NOS1AP: variants seen among roughly 807,000 people sequenced by gnomAD.
The protein encoded by NOS1AP is carboxyl-terminal PDZ ligand of neuronal nitric oxide synthase protein.
NOS1AP carries 21 observed loss-of-function variants against 56.2 expected under a neutral mutation model. The ratio of observed to expected loss-of-function variants is 0.37; its 90% CI spans 0.26 to 0.54. The LOEUF is 0.54. Among genes scored for constraint, NOS1AP ranks in the 20% least tolerant of loss-of-function variants. The pLI is 0.84. For synonymous variants in NOS1AP, 270 were observed against 274.6 expected (o/e 0.98, Z 0.17); for missense variants, 522 against 657.8 (o/e 0.79, Z 2.26).
intron 1 of NOS1AP, among the ~76,000 whole-genome samples, chr1:162,115,042 G>A (rs768835102): frequency 1.3e-5 from 2 of 152,188 alleles, no homozygotes; most frequent in Non-Finnish European, 2.9e-5. Flanking sequence ...GGAAGAAGGA[G>A]CAGCTTGTTT....
rs1261865231 is a variant in NOS1AP at position 162,188,830 on chromosome 1, G to C, written c.177+34354G>C. 3.9e-5 allele frequency among the ~76,000 whole-genome samples: 6 copies of C among 152,188 alleles called. No individual in the cohort carries two copies. The highest frequency in any genetic ancestry group is 8.8e-5 in the Non-Finnish European group (6 of 68,022). On this transcript the variant is annotated intron_variant, in intron 2 of 9. Coordinates refer to ENST00000361897, the MANE Select transcript of NOS1AP (RefSeq NM_014697.3). The surrounding 1 kb of genome is among the most constrained non-coding windows in gnomAD (Gnocchi z 4.0). Reference sequence around the variant, plus strand: ...GCACTTTCGGAGGCCGAGGCGGGCGGATCACGAGATCAGGAGTTCGAGACC... The same window carrying C: ...GCACTTTCGGAGGCCGAGGCGGGCGCATCACGAGATCAGGAGTTCGAGACC...
intron 8 of NOS1AP, among the ~76,000 whole-genome samples, chr1:162,362,752 G>T (rs1431150679): frequency 2.0e-5 from 3 of 152,148 alleles, no homozygotes; most frequent in East Asian, 3.9e-4. Context: ...CTTCTCTGAG[G>T]CTTATCTGTG....
chr1:162,125,130 C>CTTTTTTTTTTTTTTTTTTTTTTTTT (rs56264198), intron 1 of NOS1AP, among the ~76,000 whole-genome samples: 6 of 124,138 alleles, frequency 4.8e-5, no homozygotes, highest in African/African-American at 1.9e-4. Context: ...GTTTCTGACT[C>CTTTTTTTTTTTTTTTTTTTTTTTTT]TTTTTTTTTT....
chr1:162,300,615 T>C lies in NOS1AP; in HGVS notation c.271-18T>C. Reference sequence around the variant, plus strand: ...CTGGTCCTGTAACTGAGGACAAGCCTAACTTATTCATTTACAGCTTCTTTT... The same window carrying C: ...CTGGTCCTGTAACTGAGGACAAGCCCAACTTATTCATTTACAGCTTCTTTT... On this transcript the variant is annotated intron_variant, in intron 3 of 9. Transcript: ENST00000361897. 1 of 1,609,752 alleles carries C rather than the reference T, an allele frequency of 6.2e-7. No homozygotes were observed. Among genetic ancestry groups the C allele is most frequent in the Non-Finnish European group, 8.5e-7 (1 of 1,176,050 alleles).
intron 1 of NOS1AP, among the ~76,000 whole-genome samples, chr1:162,101,386 T>C (rs1228560482): frequency 6.6e-6 from 1 of 152,202 alleles, no homozygotes; most frequent in Non-Finnish European, 1.5e-5. Flanking sequence ...AGTCTTGTTA[T>C]TGTTGTTTAG....
intron 1 of NOS1AP, among the ~76,000 whole-genome samples, chr1:162,093,025 A>G (rs1411562182): frequency 2.0e-5 from 3 of 152,208 alleles, no homozygotes; most frequent in Non-Finnish European, 4.4e-5. Flanking sequence ...TGTTTGAGAT[A>G]GTTTTTATTA....
chr1:162,348,655 A>G (rs1165761945), intron 6 of NOS1AP, among the ~76,000 whole-genome samples: 1 of 152,214 alleles, frequency 6.6e-6, no homozygotes, highest in Non-Finnish European at 1.5e-5. Context: ...TCAAGGTTTA[A>G]GATGTCCAAC....
At chr1:162,319,123 A>C (rs1656327334) in intron 4 of NOS1AP, among the ~76,000 whole-genome samples, 1 of 151,960 alleles carries the variant, frequency 6.6e-6, no homozygotes, top group African/African-American at 2.4e-5. Flanking sequence ...GGTGCCCTGC[A>C]CTTATTTCCC....
chr1:162,205,479 T>G (rs1415641634), intron 2 of NOS1AP, among the ~76,000 whole-genome samples: 1 of 152,196 alleles, frequency 6.6e-6, no homozygotes, highest in African/African-American at 2.4e-5. Context: ...ATTAAGTGAA[T>G]GGGGATCAAA....
At chr1:162,286,443 T>C (rs1044825932) in intron 2 of NOS1AP, among the ~76,000 whole-genome samples, 4 of 152,182 alleles carry the variant, frequency 2.6e-5, no homozygotes, top group African/African-American at 9.7e-5. Flanking sequence ...GATAGTAAGA[T>C]GGGAATCAGA....
chr1:162,251,869 G>GGTTTTTTTTTTTTTT (rs1653869769), intron 2 of NOS1AP, among the ~76,000 whole-genome samples: 1 of 82,090 alleles, frequency 1.2e-5, no homozygotes, highest in Non-Finnish European at 2.2e-5. Flanking sequence ...TTTTTTTTTT[G>GGTTTTTTTTTTTTTT]TTTTTTTTTT....
At chr1:162,267,133 A>G (rs1212830409) in intron 2 of NOS1AP, among the ~76,000 whole-genome samples, 1 of 152,222 alleles carries the variant, frequency 6.6e-6, no homozygotes, top group Non-Finnish European at 1.5e-5. Context: ...CCAAAGAAAG[A>G]GAACCATGTA....
rs543156063 is a variant in NOS1AP, at chr1:162,349,976, C to T, written c.596-5211C>T. Among the ~76,000 whole-genome samples, 9 of 152,332 alleles carry T rather than the reference C, an allele frequency of 5.9e-5. No homozygotes were observed. In the South Asian group the frequency reaches 1.2e-3, roughly 21 times the overall value. ...CACTTCCTTTTTACAGCCCCACACA[C>T]GTTTTCACTGTCTATAAACTGCTAG... is the stretch of plus-strand genomic sequence containing the variant. On this transcript the variant is annotated intron_variant, in intron 6 of 9. Transcript: ENST00000361897.
At chr1:162,208,923 C>G (rs966197439) in intron 2 of NOS1AP, among the ~76,000 whole-genome samples, 1 of 152,228 alleles carries the variant, frequency 6.6e-6, no homozygotes, top group African/African-American at 2.4e-5. Flanking sequence ...TCATCATCTT[C>G]TATTAGCTCG....
chr1:162,323,512 A>T (rs1202192439), intron 4 of NOS1AP, among the ~76,000 whole-genome samples: 2 of 152,198 alleles, frequency 1.3e-5, no homozygotes, highest in Admixed American at 1.3e-4. Context: ...TAAAATGGAG[A>T]TAATAACTGT....
chr1:162,167,257 A>G (rs1182976859), intron 2 of NOS1AP, among the ~76,000 whole-genome samples: 2 of 152,246 alleles, frequency 1.3e-5, no homozygotes, highest in Non-Finnish European at 2.9e-5. Context: ...CTCCTTAACC[A>G]CTAACCATCC....
intron 1 of NOS1AP, among the ~76,000 whole-genome samples, chr1:162,101,759 AG>A (rs1416956356): frequency 6.6e-6 from 1 of 152,164 alleles, no homozygotes; most frequent in Non-Finnish European, 1.5e-5. Context: ...GTTGGTGAAT[AG>A]GAATGCTAGC....
intron 1 of NOS1AP, among the ~76,000 whole-genome samples, chr1:162,131,774 A>T (rs897058243): frequency 1.3e-5 from 2 of 151,924 alleles, no homozygotes; most frequent in Non-Finnish European, 2.9e-5. Context: ...TGATTAAGAT[A>T]AAGAGAGGAG....
intron 1 of NOS1AP, among the ~76,000 whole-genome samples, chr1:162,114,667 C>T (rs997202910): frequency 6.6e-6 from 1 of 152,150 alleles, no homozygotes; most frequent in African/African-American, 2.4e-5. Flanking sequence ...GGTTGTCCAG[C>T]CCCTCTTTCA....
Sources: gnomAD v4.1 joint callset for allele counts (sites outside exome capture counted in the v4.1 genomes callset) on GRCh38, gnomAD v4.1.1 for gene constraint, Gnocchi (gnomAD v3.1) non-coding constraint, MANE v1.5 for transcripts, NCBI Gene and HGNC (gene_info 2026-07-23, HGNC 2026-07-21) for gene names.